Variants in USP8 observed in about 807,000 individuals in gnomAD.
The protein encoded by USP8 is ubiquitin carboxyl-terminal hydrolase 8.
USP8 carries 27 observed loss-of-function variants against 130.0 expected under a neutral mutation model. The observed-to-expected ratio is 0.21, with a 90% CI of 0.15 to 0.29. USP8 has a LOEUF of 0.29. Ranked by LOEUF, USP8 falls within the 10% of genes least tolerant of loss-of-function variation. The probability of loss-of-function intolerance (pLI) is 1.00; values close to 1 mark genes in which losing one functional copy is unlikely to be tolerated. For synonymous variants in USP8, 392 were observed against 444.1 expected (o/e 0.88, Z 1.48); for missense variants, 1,029 against 1,312.2 (o/e 0.78, Z 3.33).
chr15:50,446,069 A>T (rs1319126963), intron 3 of USP8, among the ~76,000 whole-genome samples: 1 of 152,182 alleles, frequency 6.6e-6, no homozygotes, highest in African/African-American at 2.4e-5. Flanking sequence ...TAAAATTTTT[A>T]TGGTATTCTT....
At chr15:50,462,349 G>A in intron 6 of USP8, 27 bp downstream of exon 6, 1 of 1,578,298 alleles carries the variant, frequency 6.3e-7, no homozygotes, top group East Asian at 2.3e-5. Context: ...GGAGGAAGTT[G>A]TTTTAGGTTC....
intron 11 of USP8, 79 bp downstream of exon 11, chr15:50,482,144 T>A: frequency 7.6e-7 from 1 of 1,308,106 alleles, no homozygotes; most frequent in Non-Finnish European, 1.0e-6. Context: ...TGGCATTCCA[T>A]AAAAGGGCAG....
intron 12 of USP8, 25 bp from the exon 13 acceptor site, chr15:50,489,776 A>G (rs1356430843): frequency 2.9e-6 from 4 of 1,392,540 alleles, no homozygotes; most frequent in Non-Finnish European, 2.8e-6. Context: ...TTTTTTTTTA[A>G]TTTTTTTTAT....
At chr15:50,469,586 A>G (rs777053667) in intron 7 of USP8, among the ~76,000 whole-genome samples, 2 of 152,112 alleles carry the variant, frequency 1.3e-5, no homozygotes, top group Non-Finnish European at 2.9e-5. Context: ...TATTTCTTCT[A>G]CTTCTTTACT....
At chr15:50,430,886 CAT>C (rs2049908587) in intron 1 of USP8, among the ~76,000 whole-genome samples, 1 of 152,128 alleles carries the variant, frequency 6.6e-6, no homozygotes, top group African/African-American at 2.4e-5. Context: ...TTCCAGGACA[CAT>C]TCGGCAATGA....
Position 50,509,285 on chromosome 15 carries a change from C to G in USP8, c.*10197C>G, listed in dbSNP as rs1215221954. On this transcript the variant is annotated 3_prime_UTR_variant, in exon 20 of 20. Transcript: ENST00000307179. ...TGAGCCAAGATCACACCACTGCACT[C>G]CAGCCTGGGAGACAGAGTGAGACCC... 3 of 152,190 alleles carry G rather than the reference C, an allele frequency of 2.0e-5. No homozygotes were observed. Among genetic ancestry groups the G allele is most frequent in the Non-Finnish European group, 4.4e-5 (3 of 68,206 alleles). The allele number at this position is 152,190 out of a possible 1,614,324, so 9.4% of individuals were successfully genotyped here. A position where few individuals can be genotyped will look rare whatever the true frequency, so the allele number is the denominator to read the frequency against.
At position 50,481,861 on chromosome 15, in the gene USP8, C is replaced by T; in HGVS notation, c.1599C>T (p.Ala533=). ...TGGAGAAGAAAGAAAGTGAACAGGC[C>T]AAGAAAGAAGATAAAGAAACCTCAG... ...EEMEKKESEQ[A]KKEDKETSAK... Residue 533 remains alanine (A), a synonymous_variant, in exon 11 of 20, where the codon GCC becomes GCT. Coordinates refer to ENST00000307179, the MANE Select transcript of USP8 (RefSeq NM_005154.5). 1 of 1,543,302 alleles carries T rather than the reference C, an allele frequency of 6.5e-7. No individual in the cohort carries two copies. Among genetic ancestry groups the T allele is most frequent in the African/African-American group, 1.4e-5 (1 of 71,394 alleles).
At chr15:50,478,644 A>G (rs945923147) in intron 10 of USP8, among the ~76,000 whole-genome samples, 6 of 152,190 alleles carry the variant, frequency 3.9e-5, no homozygotes, top group Admixed American at 6.5e-5. Flanking sequence ...GAGCTTCTCT[A>G]TGTTATTGCA....
intron 5 of USP8, among the ~76,000 whole-genome samples, chr15:50,459,994 C>CA (rs781494248): frequency 0.12 from 13,986 of 118,652 alleles, 904 homozygotes; most frequent in Middle Eastern, 0.2. Context: ...CCCACCCCCC[C>CA]CCTTTTTTTT....
chr15:50,482,028 C>T lies in USP8; in HGVS notation c.1766C>T (p.Pro589Leu). Residue 589 changes from proline to leucine, a missense_variant, in exon 11 of 20, where the codon CCC becomes CTC. Physicochemically the swap from Pro to Leu is moderately conservative, Grantham distance 98. Coordinates refer to ENST00000307179, the MANE Select transcript of USP8 (RefSeq NM_005154.5). Reference sequence around the variant, plus strand: ...CAGAAAAAGTCAACAGGAGATGTGCCCCATACATCTGTGACAGGGGATTCA... The same window carrying T: ...CAGAAAAAGTCAACAGGAGATGTGCTCCATACATCTGTGACAGGGGATTCA... Reference protein sequence around the residue: ...EIQKKSTGDVPHTSVTGDSGS... With the variant: ...EIQKKSTGDVLHTSVTGDSGS... The T allele has an allele frequency of 6.5e-7, 1 of 1,538,720 alleles. No homozygotes were observed. Among genetic ancestry groups the T allele is most frequent in the East Asian group, 2.4e-5 (1 of 42,342 alleles).
At chr15:50,478,802 C>T (rs983012387) in intron 10 of USP8, among the ~76,000 whole-genome samples, 2 of 152,134 alleles carry the variant, frequency 1.3e-5, no homozygotes, top group Admixed American at 6.6e-5. Flanking sequence ...TGCCTGTAAT[C>T]CCAACACTTT....
chr15:50,443,924 G>A (rs2050338063), intron 3 of USP8, among the ~76,000 whole-genome samples: 1 of 152,148 alleles, frequency 6.6e-6, no homozygotes, highest in Non-Finnish European at 1.5e-5. Flanking sequence ...GCAGGTAAGA[G>A]ACAGAGGCCT....
At chr15:50,456,939 G>A (rs2050809699) in intron 4 of USP8, among the ~76,000 whole-genome samples, 1 of 152,148 alleles carries the variant, frequency 6.6e-6, no homozygotes, top group Non-Finnish European at 1.5e-5. Flanking sequence ...ATTTAGAGGA[G>A]AAGCACTGTT....
chr15:50,492,155 A>G (rs2052199505), intron 14 of USP8, among the ~76,000 whole-genome samples: 1 of 152,164 alleles, frequency 6.6e-6, no homozygotes, highest in Non-Finnish European at 1.5e-5. Context: ...CATTGAGCCC[A>G]GCTGGAACTG....
At chr15:50,497,022 T>C in intron 17 of USP8, 67 bp from the exon 18 acceptor site, 3 of 1,533,686 alleles carry the variant, frequency 2.0e-6, no homozygotes, top group Non-Finnish European at 2.6e-6. Context: ...ACTAACTAAA[T>C]AGGTGCTCTC....
chr15:50,477,365 A>C lies in USP8; in HGVS notation c.1084A>C (p.Ile362Leu). 1 of 1,614,068 alleles carries C rather than the reference A, an allele frequency of 6.2e-7. No individual in the cohort carries two copies. Among genetic ancestry groups the C allele is most frequent in the African/African-American group, 1.3e-5 (1 of 74,942 alleles). ...TGCATCTATAGAAGTAGATGAAAAT[A>C]TAGAATTGATAAGTGGTCAAAATGA... ...PPASIEVDENIELISGQNERM... is the reference protein window; with the variant it reads ...PPASIEVDENLELISGQNERM... Residue 362 changes from isoleucine to leucine, a missense_variant, in exon 10 of 20, where the codon ATA becomes CTA. By Grantham distance (5) the Ile-to-Leu change is conservative. Around this residue, in one of 4 missense-constraint regions of USP8, gnomAD observed 486 missense variants for 522.0 expected, o/e 0.93. Transcript: ENST00000307179.
rs961995134 is a variant in USP8 at position 50,508,933 on chromosome 15, G to A, written c.*9845G>A. ...GCGGATCACGAGGTCAGGAGATTGA[G>A]ACCATCCTGGCTAACACGGTGAAAC... On this transcript the variant is annotated 3_prime_UTR_variant, in exon 20 of 20. Coordinates refer to ENST00000307179, the MANE Select transcript of USP8 (RefSeq NM_005154.5). 4.0e-5 allele frequency: 6 copies of A among 151,762 alleles called. No individual in the cohort carries two copies. Among genetic ancestry groups the A allele is most frequent in the African/African-American group, 1.4e-4 (6 of 41,412 alleles). The allele number at this position is 151,762 out of a possible 1,614,324, so 9.4% of individuals were successfully genotyped here. A position where few individuals can be genotyped will look rare whatever the true frequency, so the allele number is the denominator to read the frequency against.
rs903168858 is a variant in USP8 at position 50,499,900 on chromosome 15, A to C, written c.*812A>C. ...CCAGAGTCATTCTTTCAAGACTAGT[A>C]TTCTCACATATTGAGAATATTCATT... On this transcript the variant is annotated 3_prime_UTR_variant, in exon 20 of 20. Transcript: ENST00000307179. 4 of 152,162 alleles carry C rather than the reference A, an allele frequency of 2.6e-5. No homozygotes were observed. The highest frequency in any genetic ancestry group is 9.7e-5 in the African/African-American group (4 of 41,436). The allele number at this position is 152,162 out of a possible 1,614,324, so 9.4% of individuals were successfully genotyped here.
At position 50,506,182 on chromosome 15, in the gene USP8, A is replaced by C. The variant is rs1456570342; in HGVS notation, c.*7094A>C. 1 of 152,350 alleles carries C rather than the reference A, an allele frequency of 6.6e-6. No homozygotes were observed. Among genetic ancestry groups the C allele is most frequent in the Non-Finnish European group, 1.5e-5 (1 of 68,152 alleles). The allele number at this position is 152,350 out of a possible 1,614,324, so 9.4% of individuals were successfully genotyped here. A position where few individuals can be genotyped will look rare whatever the true frequency, so the allele number is the denominator to read the frequency against. On this transcript the variant is annotated 3_prime_UTR_variant, in exon 20 of 20. Coordinates refer to ENST00000307179, the MANE Select transcript of USP8 (RefSeq NM_005154.5). ...CTTTATCAGTTTAGTAGCAGCAAGA[A>C]CAACAGGGGAAAACAACACAGCAGA... is the stretch of plus-strand genomic sequence containing the variant.
Sources: gnomAD v4.1 joint callset for allele counts (sites outside exome capture counted in the v4.1 genomes callset) on GRCh38, gnomAD v4.1.1 for gene constraint, gnomAD v4.1.1 regional missense constraint, MANE v1.5 for transcripts, NCBI Gene and HGNC (gene_info 2026-07-23, HGNC 2026-07-21) for gene names.